The following ARB2A variants were observed in gnomAD, a reference collection of about 807,000 sequenced individuals.
ARB2A encodes the protein ARB2 cotranscriptional regulator A, also known as cotranscriptional regulator ARB2A.
chr5:94,080,563 A>C, the ARB2A span, among the ~76,000 whole-genome samples: 1 of 152,214 alleles, frequency 6.6e-6, no homozygotes, highest in Non-Finnish European at 1.5e-5. Flanking sequence ...GTTAGCAAAC[A>C]GACTCCATCT....
the ARB2A span, among the ~76,000 whole-genome samples, chr5:93,785,871 T>C: frequency 1.3e-5 from 2 of 152,214 alleles, no homozygotes; most frequent in African/African-American, 4.8e-5. Flanking sequence ...TTAACTAGTA[T>C]GCTACCTTCT....
chr5:94,006,840 A>G, the ARB2A span, among the ~76,000 whole-genome samples: 1 of 152,260 alleles, frequency 6.6e-6, no homozygotes, highest in Non-Finnish European at 1.5e-5. Context: ...TCGGAGCAAC[A>G]GCAATAACGA....
the ARB2A span, among the ~76,000 whole-genome samples, chr5:94,022,512 C>G: frequency 1.3e-5 from 2 of 152,132 alleles, no homozygotes; most frequent in Admixed American, 6.5e-5. Flanking sequence ...ATGGGTGTGA[C>G]AGGAAAAGAC....
chr5:93,804,223 G>A, the ARB2A span, among the ~76,000 whole-genome samples: 1 of 151,832 alleles, frequency 6.6e-6, no homozygotes, highest in Non-Finnish European at 1.5e-5. Flanking sequence ...CAAATGACAG[G>A]ATTCTCATAA....
chr5:94,054,075 G>C, the ARB2A span, among the ~76,000 whole-genome samples: 1 of 152,230 alleles, frequency 6.6e-6, no homozygotes, highest in South Asian at 2.1e-4. Flanking sequence ...GCTGAGTTTT[G>C]GAGTAATTTT....
At chr5:93,728,072 G>GAT in the ARB2A span, among the ~76,000 whole-genome samples, 514 of 151,934 alleles carry the variant, frequency 3.4e-3, 1 homozygote, top group Non-Finnish European at 4.9e-3. Context: ...AATTACTAAA[G>GAT]ATATATATAT....
the ARB2A span, among the ~76,000 whole-genome samples, chr5:93,806,148 A>G: frequency 2.6e-5 from 4 of 151,980 alleles, no homozygotes; most frequent in African/African-American, 9.7e-5. Context: ...ACTTGCACCA[A>G]GTTGAGAGGC....
the ARB2A span, among the ~76,000 whole-genome samples, chr5:94,068,504 T>A: frequency 5.3e-5 from 8 of 152,170 alleles, no homozygotes; most frequent in East Asian, 1.5e-3. Context: ...AGAGCTCCCA[T>A]AAAATGGGAG....
the ARB2A span, among the ~76,000 whole-genome samples, chr5:93,628,507 A>G: frequency 6.6e-6 from 1 of 152,202 alleles, no homozygotes; most frequent in Non-Finnish European, 1.5e-5. Context: ...TAGCTGTGAA[A>G]GTCCTAGATG....
At chr5:93,885,702 T>A in the ARB2A span, among the ~76,000 whole-genome samples, 1 of 151,826 alleles carries the variant, frequency 6.6e-6, no homozygotes, top group South Asian at 2.1e-4. Flanking sequence ...TCCATTTTTA[T>A]ACTTTTGTTG....
At chr5:94,033,609 G>C in the ARB2A span, among the ~76,000 whole-genome samples, 1 of 152,088 alleles carries the variant, frequency 6.6e-6, no homozygotes, top group Non-Finnish European at 1.5e-5. Context: ...ATTTTTTGCA[G>C]AGACGGGGTT....
the ARB2A span, among the ~76,000 whole-genome samples, chr5:94,098,474 T>C: frequency 1.3e-5 from 2 of 152,188 alleles, no homozygotes; most frequent in African/African-American, 4.8e-5. Flanking sequence ...CACTGGGACA[T>C]GGCTAAAGCA....
At chr5:94,038,985 G>C in the ARB2A span, among the ~76,000 whole-genome samples, 2 of 152,126 alleles carry the variant, frequency 1.3e-5, no homozygotes, top group Admixed American at 1.3e-4. Flanking sequence ...TCAATCAGAA[G>C]AGAAGATGGT....
the ARB2A span, among the ~76,000 whole-genome samples, chr5:93,644,285 C>A: frequency 1.3e-5 from 2 of 152,122 alleles, no homozygotes; most frequent in African/African-American, 4.8e-5. Context: ...GTAATGAGAT[C>A]TATTGCATTT....
At chr5:93,836,200 T>C in the ARB2A span, among the ~76,000 whole-genome samples, 2 of 152,038 alleles carry the variant, frequency 1.3e-5, no homozygotes, top group Non-Finnish European at 2.9e-5. Flanking sequence ...GCTAATTTTT[T>C]GTGTTTTTAG....
the ARB2A span, among the ~76,000 whole-genome samples, chr5:93,657,042 T>C: frequency 2.6e-5 from 4 of 152,162 alleles, no homozygotes; most frequent in African/African-American, 7.2e-5. Flanking sequence ...GCGACTTCCA[T>C]ATGTCAGAGA....
chr5:94,107,651 C>G, the ARB2A span, among the ~76,000 whole-genome samples: 3 of 151,906 alleles, frequency 2.0e-5, no homozygotes, highest in African/African-American at 7.3e-5. Flanking sequence ...CAGTTTTGGA[C>G]ATTGTTAAAT....
chr5:93,720,375 C>T, the ARB2A span, among the ~76,000 whole-genome samples: 2 of 152,092 alleles, frequency 1.3e-5, no homozygotes, highest in African/African-American at 2.4e-5. Context: ...CAATCAAAGC[C>T]TTTGTCATAA....
chr5:93,771,547 A>G, the ARB2A span, among the ~76,000 whole-genome samples: 1 of 152,138 alleles, frequency 6.6e-6, no homozygotes, highest in African/African-American at 2.4e-5. Flanking sequence ...AATTTTCGCA[A>G]CCTACTCATC....
Sources: allele counts gnomAD v4.1 joint callset (sites outside exome capture counted in the v4.1 genomes callset), GRCh38; gene constraint gnomAD v4.1.1; transcripts MANE v1.5; gene names NCBI Gene and HGNC (gene_info 2026-07-23, HGNC 2026-07-21).